The following MACROD2 variants were observed in gnomAD, a reference collection of about 807,000 sequenced individuals.
MACROD2 encodes the protein ADP-ribose glycohydrolase MACROD2.
Under a neutral mutation model 70.4 loss-of-function variants are expected in MACROD2, and 36 were observed. The observed-to-expected ratio is 0.51, with a 90% CI of 0.39 to 0.68. MACROD2 has a LOEUF of 0.68. Among genes scored for constraint, MACROD2 ranks in the 30% least tolerant of loss-of-function variants. MACROD2 has a pLI of 0.00. For synonymous variants in MACROD2, 172 were observed against 178.8 expected, an observed-to-expected ratio of 0.96 and a Z score of 0.30; for missense variants, 496 against 538.4, an observed-to-expected ratio of 0.92 and a Z score of 0.78.
intron 8 of MACROD2, among the ~76,000 whole-genome samples, chr20:15,736,979 A>C (rs2051030704): frequency 6.6e-6 from 1 of 152,220 alleles, no homozygotes; most frequent in Non-Finnish European, 1.5e-5. Context: ...AAAAAAAGTA[A>C]ATAACCAGAG....
intron 8 of MACROD2, among the ~76,000 whole-genome samples, chr20:15,846,205 C>T (rs1170717922): frequency 6.6e-6 from 1 of 152,188 alleles, no homozygotes; most frequent in Non-Finnish European, 1.5e-5. Context: ...TTGACCAGAA[C>T]TTCTCAGGCT....
intron 7 of MACROD2, among the ~76,000 whole-genome samples, chr20:15,434,331 G>GAA (rs34704525): frequency 7.4e-5 from 11 of 147,704 alleles, no homozygotes; most frequent in Admixed American, 6.1e-4. Context: ...ATATCAGCAA[G>GAA]AAAAAAAAAA....
intron 8 of MACROD2, among the ~76,000 whole-genome samples, chr20:15,687,443 A>G (rs1226781754): frequency 6.6e-6 from 1 of 152,094 alleles, no homozygotes; most frequent in Non-Finnish European, 1.5e-5. Flanking sequence ...ATGGAAGGGC[A>G]CAGTGCCTTG....
intron 8 of MACROD2, among the ~76,000 whole-genome samples, chr20:15,582,181 C>T (rs367114): frequency 0.5 from 75,224 of 151,764 alleles, 20,518 homozygotes; most frequent in Non-Finnish European, 0.6. Context: ...AGGAGGCTCA[C>T]GGGAGTCTTG....
chr20:14,937,079 G>C (rs2074346285), intron 5 of MACROD2, among the ~76,000 whole-genome samples: 1 of 152,184 alleles, frequency 6.6e-6, no homozygotes, highest in Non-Finnish European at 1.5e-5. Flanking sequence ...TGCTGAAAGA[G>C]GTAGAGGTAG....
intron 8 of MACROD2, among the ~76,000 whole-genome samples, chr20:15,792,497 A>T (rs1354979035): frequency 6.6e-6 from 1 of 152,128 alleles, no homozygotes; most frequent in African/African-American, 2.4e-5. Flanking sequence ...AATACACTTA[A>T]CCCAAGGGAA....
intron 4 of MACROD2, among the ~76,000 whole-genome samples, chr20:14,617,386 T>C (rs541986115): frequency 1.1e-3 from 160 of 152,226 alleles, no homozygotes; most frequent in Middle Eastern, 6.8e-3. Context: ...CCTGCCTCCT[T>C]ATATTTGAGA....
intron 3 of MACROD2, among the ~76,000 whole-genome samples, chr20:14,408,566 ATAT>A (rs1224367170): frequency 2.6e-5 from 4 of 152,150 alleles, no homozygotes; most frequent in African/African-American, 9.7e-5. Context: ...TGGATAGGCC[ATAT>A]TATTACTGAG....
intron 5 of MACROD2, among the ~76,000 whole-genome samples, chr20:14,754,379 T>G (rs1247897021): frequency 6.6e-6 from 1 of 152,200 alleles, no homozygotes; most frequent in Non-Finnish European, 1.5e-5. Flanking sequence ...GTCTCAGACC[T>G]CAGCTTCCAA....
intron 17 of MACROD2, 81 bp from the exon 18 acceptor site, chr20:16,049,749 C>T: frequency 7.1e-7 from 1 of 1,409,312 alleles, no homozygotes; most frequent in Non-Finnish European, 1.0e-6. Flanking sequence ...ATTTAAATGG[C>T]TGTATTAAAA....
intron 7 of MACROD2, among the ~76,000 whole-genome samples, chr20:15,490,827 G>T (rs2047223010): frequency 6.6e-6 from 1 of 152,192 alleles, no homozygotes; most frequent in Non-Finnish European, 1.5e-5. Context: ...GCTAATGGGA[G>T]TGATAGAAGC....
intron 5 of MACROD2, among the ~76,000 whole-genome samples, chr20:14,768,486 T>G (rs1938688487): frequency 6.6e-6 from 1 of 152,074 alleles, no homozygotes; most frequent in Non-Finnish European, 1.5e-5. Flanking sequence ...CTTTCCCTTT[T>G]TAACATTTTT....
intron 8 of MACROD2, among the ~76,000 whole-genome samples, chr20:15,763,956 T>A (rs1299269308): frequency 6.6e-6 from 1 of 152,228 alleles, no homozygotes; most frequent in African/African-American, 2.4e-5. Flanking sequence ...ATACTTTGAT[T>A]TGAGCTAGAT....
chr20:14,305,453 A>G (rs1226924711), intron 3 of MACROD2, among the ~76,000 whole-genome samples: 1 of 152,132 alleles, frequency 6.6e-6, no homozygotes, highest in Non-Finnish European at 1.5e-5. Context: ...GAAGAGACTG[A>G]CTTGGAACAG....
At chr20:14,828,498 T>C (rs183519824) in intron 5 of MACROD2, among the ~76,000 whole-genome samples, 8 of 152,230 alleles carry the variant, frequency 5.3e-5, no homozygotes, top group African/African-American at 1.9e-4. Flanking sequence ...TACTATGCAT[T>C]AGGCACTCTG....
At chr20:15,370,504 A>T (rs137974512) in intron 6 of MACROD2, among the ~76,000 whole-genome samples, 2 of 152,104 alleles carry the variant, frequency 1.3e-5, no homozygotes, top group African/African-American at 4.8e-5. Context: ...TTTATTTTCT[A>T]TATCATTTTA....
At chr20:14,913,462 G>A (rs2074053735) in intron 5 of MACROD2, among the ~76,000 whole-genome samples, 1 of 152,098 alleles carries the variant, frequency 6.6e-6, no homozygotes, top group African/African-American at 2.4e-5. Flanking sequence ...CAAGGCAGGA[G>A]GACTTATTGA....
chr20:15,107,168 A>C (rs1416542889), intron 5 of MACROD2, among the ~76,000 whole-genome samples: 10 of 151,746 alleles, frequency 6.6e-5, no homozygotes, highest in Admixed American at 6.6e-4. Flanking sequence ...ACCATAAAAT[A>C]TGACCAGTTT....
chr20:15,595,027 G>A (rs1027254123), intron 8 of MACROD2, among the ~76,000 whole-genome samples: 1 of 152,098 alleles, frequency 6.6e-6, no homozygotes, highest in African/African-American at 2.4e-5. Context: ...TCCCAGTGTT[G>A]CTTTTTGAGC....
Sources: gnomAD v4.1 joint callset for allele counts (sites outside exome capture counted in the v4.1 genomes callset) on GRCh38, gnomAD v4.1.1 for gene constraint, MANE v1.5 for transcripts, NCBI Gene and HGNC (gene_info 2026-07-23, HGNC 2026-07-21) for gene names.